LRRC7: variants seen among roughly 807,000 people sequenced by gnomAD.
The protein encoded by LRRC7 is leucine rich repeat containing 7, also known as leucine-rich repeat-containing protein 7.
In LRRC7, 23 loss-of-function variants were observed where a neutral mutation model predicts 175.7. The observed-to-expected ratio is 0.13, with a 90% CI of 0.09 to 0.19. LRRC7 has a LOEUF of 0.19. Among genes scored for constraint, LRRC7 ranks in the 10% least tolerant of loss-of-function variants. The probability of loss-of-function intolerance (pLI) is 1.00; values close to 1 mark genes in which losing one functional copy is unlikely to be tolerated. For synonymous variants in LRRC7, 685 were observed against 680.9 expected, an observed-to-expected ratio of 1.01 and a Z score of -0.09; for missense variants, 1,354 against 1,904.7, an observed-to-expected ratio of 0.71 and a Z score of 5.38.
rs756617910 is a variant in LRRC7, at chr1:70,135,550, G to A, written c.*13663G>A. Among the ~76,000 whole-genome samples, 4 of 152,054 alleles carry A rather than the reference G, an allele frequency of 2.6e-5. No individual in the cohort carries two copies. The highest frequency in any genetic ancestry group is 5.9e-5 in the Non-Finnish European group (4 of 68,002). On this transcript the variant is annotated 3_prime_UTR_variant, in exon 27 of 27. Transcript: ENST00000651989. ...CTGAGATCCTTTTGAAACATCTCAC[G>A]CACTCCTCCCCAACCCCGACTCCAA...
At chr1:70,018,848 C>G (rs768308260) in intron 15 of LRRC7, 30 bp downstream of exon 15, 9 of 1,516,340 alleles carry the variant, frequency 5.9e-6, no homozygotes, top group African/African-American at 2.7e-5. Context: ...TTCTTCTCTA[C>G]TTATAATGAT....
intron 7 of LRRC7, among the ~76,000 whole-genome samples, chr1:69,894,185 G>A (rs564429934): frequency 5.3e-5 from 8 of 152,228 alleles, no homozygotes; most frequent in African/African-American, 1.9e-4. Flanking sequence ...TTCTTTACAT[G>A]TATTAATTCA....
At chr1:69,864,593 G>A (rs576790927) in intron 7 of LRRC7, among the ~76,000 whole-genome samples, 9 of 152,248 alleles carry the variant, frequency 5.9e-5, no homozygotes, top group Middle Eastern at 3.4e-3. Context: ...ACTATCCATA[G>A]CCCTGTATTT....
rs112836690 is a variant in LRRC7, at chr1:69,764,730, CAGATAGATAGAT to C, written c.303+4377_303+4388del. Among the ~76,000 whole-genome samples the C allele has an allele frequency of 7.9e-3, 1,116 of 140,404 alleles. 4 individuals carry two copies. Among genetic ancestry groups the C allele is most frequent in the Non-Finnish European group, 0.012 (757 of 64,830 alleles). The allele number at this position is 140,404 out of a possible 152,430, so 92.1% of individuals were successfully genotyped here. A position where few individuals can be genotyped will look rare whatever the true frequency, so the allele number is the denominator to read the frequency against. ...ATAGATAGGTAGGTAGATAGATAGACAGATAGATAGATAGATAGATAGATAGATAGATAGATA... is the reference window on the plus strand; with the variant it reads ...ATAGATAGGTAGGTAGATAGATAGACAGATAGATAGATAGATAGATAGATA... On this transcript the variant is annotated intron_variant, in intron 3 of 26. Coordinates refer to ENST00000651989, the MANE Select transcript of LRRC7 (RefSeq NM_001370785.2).
chr1:69,599,870 C>G (rs193200586), intron 1 of LRRC7, among the ~76,000 whole-genome samples: 134 of 152,224 alleles, frequency 8.8e-4, no homozygotes, highest in Non-Finnish European at 6.0e-4. Context: ...TGGTTTAAAC[C>G]CAGTTCTGAG....
Position 69,568,492 on chromosome 1 carries a change from C to A in LRRC7, c.-148C>A. The A allele has an allele frequency of 1.7e-6, 1 of 584,158 alleles. No homozygotes were observed. The highest frequency in any genetic ancestry group is 2.0e-5 in the South Asian group (1 of 50,624). 36.2% of individuals were successfully genotyped at this position (584,158 alleles called of 1,614,324 possible). A position where few individuals can be genotyped will look rare whatever the true frequency, so the allele number is the denominator to read the frequency against. On this transcript the variant is annotated 5_prime_UTR_variant, in exon 1 of 27. Transcript: ENST00000651989. ...CCTGGATTCCCCTCTATCTCCTGTTCTTCCTACCTTCTACTCCTTCCCTCC... is the reference window on the plus strand; with the variant it reads ...CCTGGATTCCCCTCTATCTCCTGTTATTCCTACCTTCTACTCCTTCCCTCC...
At chr1:70,001,375 A>G (rs1655506285) in intron 11 of LRRC7, among the ~76,000 whole-genome samples, 1 of 152,228 alleles carries the variant, frequency 6.6e-6, no homozygotes, top group Admixed American at 6.5e-5. Context: ...AAATAAAAAA[A>G]AGAAATAGAG....
intron 1 of LRRC7, among the ~76,000 whole-genome samples, chr1:69,598,874 T>C (rs1176395333): frequency 2.0e-5 from 3 of 152,228 alleles, no homozygotes; most frequent in Non-Finnish European, 4.4e-5. Flanking sequence ...TGAACATTAT[T>C]CACTTTGTTC....
rs1415570338 is a variant in LRRC7, at chr1:70,141,426, C to G, written c.*19539C>G. ...ATATTTTGTTTTGAACTTTGGAATT[C>G]CATTGTGGCTTGGCACTAAATTATA... On this transcript the variant is annotated 3_prime_UTR_variant, in exon 27 of 27. Coordinates refer to ENST00000651989, the MANE Select transcript of LRRC7 (RefSeq NM_001370785.2). 1 of 151,940 alleles carries G rather than the reference C, an allele frequency of 6.6e-6. No homozygotes were observed. The highest frequency in any genetic ancestry group is 1.5e-5 in the Non-Finnish European group (1 of 67,934). 9.4% of individuals were successfully genotyped at this position (151,940 alleles called of 1,614,324 possible).
At chr1:69,806,019 A>T (rs376685059) in intron 4 of LRRC7, among the ~76,000 whole-genome samples, 18 of 152,018 alleles carry the variant, frequency 1.2e-4, no homozygotes, top group African/African-American at 4.3e-4. Context: ...CTTAAAAAAA[A>T]ATTAAAAGAG....
At chr1:69,821,172 T>C (rs1042182616) in intron 4 of LRRC7, among the ~76,000 whole-genome samples, 1 of 152,166 alleles carries the variant, frequency 6.6e-6, no homozygotes, top group Non-Finnish European at 1.5e-5. Context: ...TTTAAATAAG[T>C]GTTATGTACT....
In LRRC7 at chr1:70,107,668, T is replaced by C. The variant is rs866759476; in HGVS notation, c.4546-84T>C. 36 of 972,536 alleles carry C rather than the reference T, an allele frequency of 3.7e-5. No homozygotes were observed. The Middle Eastern group carries it at 6.1e-3, about 165-fold the overall frequency. The allele number at this position is 972,536 out of a possible 1,614,324, so 60.2% of individuals were successfully genotyped here. On this transcript the variant is annotated intron_variant, in intron 25 of 26. Coordinates refer to ENST00000651989, the MANE Select transcript of LRRC7 (RefSeq NM_001370785.2). ...AAACTGTTTCTGGATCTGTTTTCAC[T>C]GTTTTCTATGTGAATGAAGATTTGT...
chr1:70,120,414 C>T (rs61784315), intron 26 of LRRC7, among the ~76,000 whole-genome samples: 21,351 of 151,790 alleles, frequency 0.14, 2,249 homozygotes, highest in African/African-American at 0.29. Flanking sequence ...CTATGGTTTA[C>T]AAGTGTAATA....
chr1:70,103,207 C>T (rs376957058), intron 25 of LRRC7, among the ~76,000 whole-genome samples: 39 of 149,598 alleles, frequency 2.6e-4, no homozygotes, highest in East Asian at 2.4e-3. Context: ...CCAGCCTGGG[C>T]GACAGAATGA....
chr1:69,611,556 G>A (rs1424892536), intron 1 of LRRC7, among the ~76,000 whole-genome samples: 1 of 151,946 alleles, frequency 6.6e-6, no homozygotes, highest in Non-Finnish European at 1.5e-5. Flanking sequence ...TGTTTTATGT[G>A]TTTCTGTTTA....
At chr1:70,117,882 T>G (rs951524916) in intron 26 of LRRC7, among the ~76,000 whole-genome samples, 1 of 152,176 alleles carries the variant, frequency 6.6e-6, no homozygotes, top group Non-Finnish European at 1.5e-5. Context: ...AAAATTTAAA[T>G]TTTTTATTAA....
At chr1:69,768,273 G>T (rs530015559) in intron 3 of LRRC7, among the ~76,000 whole-genome samples, 14 of 152,310 alleles carry the variant, frequency 9.2e-5, no homozygotes, top group Non-Finnish European at 1.6e-4. Context: ...TGCTGGAGCA[G>T]TTTGGCCACA....
intron 8 of LRRC7, among the ~76,000 whole-genome samples, chr1:69,934,505 C>CGGGGGG (rs796318018): frequency 3.4e-5 from 1 of 29,016 alleles, no homozygotes; most frequent in Non-Finnish European, 7.1e-5. Flanking sequence ...GGGGGGGGGG[C>CGGGGGG]GGGGGGTGGG....
intron 4 of LRRC7, 107 bp downstream of exon 4, chr1:69,792,267 T>C (rs1033741253): frequency 1.4e-6 from 1 of 701,336 alleles, no homozygotes; most frequent in African/African-American, 1.8e-5. Flanking sequence ...TTTGATTTTG[T>C]TGCAACTGTA....
Sources: allele counts gnomAD v4.1 joint callset (sites outside exome capture counted in the v4.1 genomes callset), GRCh38; gene constraint gnomAD v4.1.1; transcripts MANE v1.5; gene names NCBI Gene and HGNC (gene_info 2026-07-23, HGNC 2026-07-21).